The following CCDC33 variants were observed in gnomAD, a reference collection of about 807,000 sequenced individuals.
The protein encoded by CCDC33 is coiled-coil domain containing 33, also known as coiled-coil domain-containing protein 33.
CCDC33 carries 94 observed loss-of-function variants against 91.9 expected under a neutral mutation model. The ratio of observed to expected loss-of-function variants is 1.02; its 90% CI spans 0.87 to 1.21. CCDC33 has a LOEUF of 1.21. CCDC33 is among the 50% of genes most tolerant of loss of function. CCDC33 has a pLI of 0.00. For synonymous variants in CCDC33, 396 were observed against 374.5 expected, an observed-to-expected ratio of 1.06 and a Z score of -0.66; for missense variants, 940 against 935.5, an observed-to-expected ratio of 1.00 and a Z score of -0.06.
chr15:74,295,854 C>A lies in CCDC33; in HGVS notation c.1196C>A (p.Ser399Tyr), dbSNP rs745558245. Residue 399 changes from serine (S) to tyrosine (Y), a missense_variant, in exon 11 of 19, where the codon TCC (serine) becomes TAC (tyrosine). Ser to Tyr is a moderately radical substitution (Grantham distance 144). Coordinates refer to ENST00000398814, the MANE Select transcript of CCDC33 (RefSeq NM_025055.5). ...CTGAGAACCATCCAAGAGTCCTGGT[C>A]CAAGGACACAGTGAGCTCCACAATG... The part of the protein sequence containing the change: ...KKLRTIQESW[S>Y]KDTVSSTMDL... The A allele has an allele frequency of 1.9e-6, 3 of 1,614,162 alleles. No homozygotes were observed. The highest frequency in any genetic ancestry group is 1.7e-6 in the Non-Finnish European group (2 of 1,180,028).
Position 74,293,309 on chromosome 15 carries a change from G to A in CCDC33, c.1096-2445G>A, listed in dbSNP as rs142684493. Among the ~76,000 whole-genome samples, 1,027 of 152,246 alleles carry A rather than the reference G, an allele frequency of 6.7e-3. 15 individuals carry two copies. The highest frequency in any genetic ancestry group is 0.024 in the African/African-American group (981 of 41,534). Reference sequence around the variant, plus strand: ...GAGCAGAAATGTCATTATAGGTCCTGAATCAGCATCTCACCACAGCCCCAG... The same window carrying A: ...GAGCAGAAATGTCATTATAGGTCCTAAATCAGCATCTCACCACAGCCCCAG... On this transcript the variant is annotated intron_variant, in intron 10 of 18. Transcript: ENST00000398814.
At chr15:74,323,975 C>A (rs1225168813) in intron 11 of CCDC33, among the ~76,000 whole-genome samples, 2 of 151,762 alleles carry the variant, frequency 1.3e-5, no homozygotes, top group Non-Finnish European at 2.9e-5. Context: ...CGCCTGTAAT[C>A]CCAGCTACTC....
At chr15:74,247,271 T>C (rs955852210) in intron 2 of CCDC33, among the ~76,000 whole-genome samples, 1 of 152,102 alleles carries the variant, frequency 6.6e-6, no homozygotes, top group Non-Finnish European at 1.5e-5. Flanking sequence ...AGTACCCCTA[T>C]ATTCATTGCA....
At chr15:74,256,032 G>A (rs1025595326) in intron 2 of CCDC33, among the ~76,000 whole-genome samples, 4 of 152,268 alleles carry the variant, frequency 2.6e-5, no homozygotes, top group African/African-American at 9.6e-5. Context: ...TGCCCAGGCA[G>A]TGGGAACTGA....
intron 18 of CCDC33, chr15:74,335,489 C>G (rs756250191): frequency 6.9e-5 from 30 of 434,884 alleles, no homozygotes; most frequent in Admixed American, 1.9e-4. Context: ...TTAGCACACC[C>G]TTCTCAGATG....
chr15:74,251,813 G>C lies in CCDC33; in HGVS notation c.185+7665G>C. 1.3e-5 allele frequency among the ~76,000 whole-genome samples: 2 copies of C among 152,136 alleles called. 1 individual carries two copies. ...TGGTCACAGGATGAGCTCTGACTCTGGTGACTAATTGAAGAAGATGTTAAA... is the reference window on the plus strand; with the variant it reads ...TGGTCACAGGATGAGCTCTGACTCTCGTGACTAATTGAAGAAGATGTTAAA... On this transcript the variant is annotated intron_variant, in intron 2 of 18. Coordinates refer to ENST00000398814, the MANE Select transcript of CCDC33 (RefSeq NM_025055.5).
chr15:74,280,863 CTGCCCCACCT>C, intron 9 of CCDC33, 62 bp downstream of exon 9: 1 of 1,366,872 alleles, frequency 7.3e-7, no homozygotes, highest in Non-Finnish European at 9.5e-7. Flanking sequence ...CTGCCTCACC[CTGCCCCACCT>C]CACCACACCT....
chr15:74,231,137 G>T (rs1464115156), intron 2 of CCDC33, among the ~76,000 whole-genome samples: 1 of 152,186 alleles, frequency 6.6e-6, no homozygotes. Flanking sequence ...GGTCAGAAGG[G>T]CAGGCCCCCA....
At chr15:74,283,709 GA>G (rs530270792) in intron 10 of CCDC33, among the ~76,000 whole-genome samples, 127 of 152,090 alleles carry the variant, frequency 8.4e-4, no homozygotes, top group Non-Finnish European at 1.5e-3. Context: ...GGATTTCTGA[GA>G]AGAAAGGAAA....
Position 74,280,751 on chromosome 15 carries a change from C to T in CCDC33, c.973C>T (p.Leu325=). The part of the protein sequence containing the change: ...PLKSRLYQKM[L]TGKGLDGLHV... Reference sequence around the variant, plus strand: ...AAAGAGCCGTTTGTACCAGAAGATGCTGACAGGGAAAGGCTTGGACGGGCT... The same window carrying T: ...AAAGAGCCGTTTGTACCAGAAGATGTTGACAGGGAAAGGCTTGGACGGGCT... Residue 325 remains leucine (L), a synonymous_variant, in exon 9 of 19, where the codon CTG becomes TTG. Coordinates refer to ENST00000398814, the MANE Select transcript of CCDC33 (RefSeq NM_025055.5). 6.3e-7 allele frequency: 1 copy of T among 1,578,500 alleles called. No individual in the cohort carries two copies. Among genetic ancestry groups the T allele is most frequent in the Non-Finnish European group, 8.6e-7 (1 of 1,161,980 alleles).
intron 1 of CCDC33, among the ~76,000 whole-genome samples, chr15:74,208,494 G>C (rs1349038390): frequency 6.6e-6 from 1 of 152,062 alleles, no homozygotes; most frequent in African/African-American, 2.4e-5. Flanking sequence ...TTGTTCCCTT[G>C]CTGACCACAG....
rs970775795 is a variant in CCDC33, at chr15:74,304,939, T to G, written c.1290+8991T>G. Among the ~76,000 whole-genome samples, 7 of 126,510 alleles carry G rather than the reference T, an allele frequency of 5.5e-5. No homozygotes were observed. The East Asian group carries it at 8.2e-4, about 15-fold the overall frequency. 83.0% of individuals were successfully genotyped at this position (126,510 alleles called of 152,430 possible). On this transcript the variant is annotated intron_variant, in intron 11 of 18. Transcript: ENST00000398814. ...GAATGGGCCTGAACCTGCTTCTGCT[T>G]CTTCTTCTTCTTTTTTTTTTTTTAG...
At chr15:74,280,526 T>C in intron 8 of CCDC33, 142 bp from the exon 9 acceptor site, 1 of 913,026 alleles carries the variant, frequency 1.1e-6, no homozygotes, top group Non-Finnish European at 1.6e-6. Context: ...GCCCTGAAGA[T>C]GAGAAGAGGA....
intron 7 of CCDC33, among the ~76,000 whole-genome samples, chr15:74,278,956 C>T (rs1308805937): frequency 6.6e-6 from 1 of 152,192 alleles, no homozygotes; most frequent in Non-Finnish European, 1.5e-5. Context: ...TTGGCCTCTG[C>T]AAGGGGCTGG....
At chr15:74,331,481 G>A (rs954302016) in intron 15 of CCDC33, among the ~76,000 whole-genome samples, 185 bp downstream of exon 15, 1 of 152,198 alleles carries the variant, frequency 6.6e-6, no homozygotes, top group African/African-American at 2.4e-5. Context: ...CCCATCCAGA[G>A]ATCCCCTGAG....
intron 11 of CCDC33, chr15:74,300,745 T>C (rs2059779326): frequency 6.6e-6 from 1 of 152,446 alleles, no homozygotes; most frequent in Admixed American, 6.5e-5. Context: ...AGGAGGTCTA[T>C]GCCTCTCTGT....
chr15:74,308,430 C>G (rs1009158321), intron 11 of CCDC33, among the ~76,000 whole-genome samples: 3 of 150,918 alleles, frequency 2.0e-5, no homozygotes, highest in Admixed American at 6.6e-5. Context: ...TAATAGAGAC[C>G]AGCCAGTTCA....
At chr15:74,250,675 G>A (rs1045155690) in intron 2 of CCDC33, among the ~76,000 whole-genome samples, 2 of 152,162 alleles carry the variant, frequency 1.3e-5, no homozygotes, top group Non-Finnish European at 2.9e-5. Context: ...TAGTTCCGTG[G>A]ACAACCACCA....
rs535719117 is a variant in CCDC33, at chr15:74,222,117, C to T, written c.675+3256C>T. Reference sequence around the variant, plus strand: ...ATGACTCTTGGAGGGCTGGAAAGGGCGGGGGAGACCACAACAGCTGTGGGC... The same window carrying T: ...ATGACTCTTGGAGGGCTGGAAAGGGTGGGGGAGACCACAACAGCTGTGGGC... On this transcript the variant is annotated intron_variant, in intron 2 of 2. Transcript: ENST00000635913. Among the ~76,000 whole-genome samples the T allele has an allele frequency of 1.8e-4, 28 of 152,130 alleles. 1 individual carries two copies. Among genetic ancestry groups the T allele is most frequent in the African/African-American group, 6.5e-4 (27 of 41,494 alleles).
Sources: allele counts gnomAD v4.1 joint callset (sites outside exome capture counted in the v4.1 genomes callset), GRCh38; gene constraint gnomAD v4.1.1; transcripts MANE v1.5; gene names NCBI Gene and HGNC (gene_info 2026-07-23, HGNC 2026-07-21).